STKLD1: variants seen among roughly 807,000 people sequenced by gnomAD.
STKLD1 encodes the protein serine/threonine kinase like domain containing 1, also known as serine/threonine kinase-like domain-containing protein STKLD1.
A neutral mutation model predicts 80.4 loss-of-function variants in STKLD1; 79 were observed. The ratio of observed to expected loss-of-function variants is 0.98; its 90% CI spans 0.82 to 1.19. The LOEUF (loss-of-function observed/expected upper bound fraction) is 1.19. Ranked by LOEUF, STKLD1 falls within the 50% of genes most tolerant of loss-of-function variation. The pLI, the probability that STKLD1 is intolerant of heterozygous loss-of-function variation, is 0.00. For synonymous variants in STKLD1, 393 were observed against 357.6 expected (o/e 1.10, Z -1.12); for missense variants, 841 against 856.0 (o/e 0.98, Z 0.22).
At chr9:133,393,617 G>C (rs1235880233) in intron 7 of STKLD1, among the ~76,000 whole-genome samples, 2 of 139,178 alleles carry the variant, frequency 1.4e-5, no homozygotes, top group African/African-American at 5.3e-5. Context: ...GGGTGAGTGA[G>C]TGAATGAGTG....
At position 133,394,685 on chromosome 9, in the gene STKLD1, A is replaced by C; in HGVS notation, c.702+276A>C. On this transcript the variant is annotated intron_variant, in intron 8 of 17. Coordinates refer to ENST00000371957, the MANE Select transcript of STKLD1 (RefSeq NM_153710.5). This position sits in a 1 kb window ranked among gnomAD's most constrained non-coding sequence, Gnocchi z 4.9. Reference sequence around the variant, plus strand: ...AGCAGCCCTCCAGGTGGTGTCACTGACTCTTGATGGAGAAAAGCCAAGTTC... The same window carrying C: ...AGCAGCCCTCCAGGTGGTGTCACTGCCTCTTGATGGAGAAAAGCCAAGTTC... 7 of 427,722 alleles carry C rather than the reference A, an allele frequency of 1.6e-5. No individual in the cohort carries two copies. The highest frequency in any genetic ancestry group is 3.4e-5 in the South Asian group (1 of 29,802). 26.5% of individuals were successfully genotyped at this position (427,722 alleles called of 1,614,324 possible).
In STKLD1 at chr9:133,394,404, A is replaced by C. The variant is rs781956002; in HGVS notation, c.697A>C (p.Met233Leu). ...IILDMTSCSFMDGTEAMHLRK... is the reference protein window; with the variant it reads ...IILDMTSCSFLDGTEAMHLRK... Reference sequence around the variant, plus strand: ...TCTGGACATGACCAGCTGCTCCTTCATGGATGTGAGCCGCCCTCCCTCCCC... The same window carrying C: ...TCTGGACATGACCAGCTGCTCCTTCCTGGATGTGAGCCGCCCTCCCTCCCC... The change falls in exon 8 of 18, where the codon ATG becomes CTG. Residue 233 changes from methionine (M) to leucine (L), a missense_variant. Met to Leu is a conservative substitution (Grantham distance 15). Transcript: ENST00000371957. This position sits in a 1 kb window ranked among gnomAD's most constrained non-coding sequence, Gnocchi z 4.9. 1 of 1,610,326 alleles carries C rather than the reference A, an allele frequency of 6.2e-7. No individual in the cohort carries two copies. The highest frequency in any genetic ancestry group is 1.7e-5 in the Admixed American group (1 of 59,986).
Position 133,394,752 on chromosome 9 carries a change from A to T in STKLD1, c.702+343A>T. The stretch of plus-strand genomic sequence containing the variant: ...ATGAAGGCTGCACGGAGTTGCAAGC[A>T]ACGGGAACCCAGTGTGGGCCTGAAC... On this transcript the variant is annotated intron_variant, in intron 8 of 17. Transcript: ENST00000371957. The surrounding 1 kb of genome is among the most constrained non-coding windows in gnomAD (Gnocchi z 4.9). 3.3e-6 allele frequency: 1 copy of T among 300,358 alleles called. No individual in the cohort carries two copies. The highest frequency in any genetic ancestry group is 4.6e-5 in the South Asian group (1 of 21,864). The allele number at this position is 300,358 out of a possible 1,614,324, so 18.6% of individuals were successfully genotyped here. A position where few individuals can be genotyped will look rare whatever the true frequency, so the allele number is the denominator to read the frequency against.
At chr9:133,377,800 C>A (rs1838031076) in intron 1 of STKLD1, among the ~76,000 whole-genome samples, 1 of 152,150 alleles carries the variant, frequency 6.6e-6, no homozygotes, top group African/African-American at 2.4e-5. Flanking sequence ...GTGTGCAGTT[C>A]ATTTCTATTA....
In STKLD1 at chr9:133,405,529, G is replaced by A. The variant is rs782546857; in HGVS notation, c.*108G>A. ...GACTGGGCCAAAATCAATCTTAAAC[G>A]GGAGGGGTAATCAGACCTCTCCAAA... is the stretch of plus-strand genomic sequence containing the variant. On this transcript the variant is annotated 3_prime_UTR_variant, in exon 18 of 18. Transcript: ENST00000371957. 37 of 1,175,010 alleles carry A rather than the reference G, an allele frequency of 3.1e-5. No homozygotes were observed. The highest frequency in any genetic ancestry group is 1.6e-4 in the African/African-American group (10 of 64,324). The allele number at this position is 1,175,010 out of a possible 1,614,324, so 72.8% of individuals were successfully genotyped here.
In STKLD1 at chr9:133,384,193, C is replaced by T; in HGVS notation, c.219+293C>T. On this transcript the variant is annotated intron_variant, in intron 3 of 17. Coordinates refer to ENST00000371957, the MANE Select transcript of STKLD1 (RefSeq NM_153710.5). This position sits in a 1 kb window ranked among gnomAD's most constrained non-coding sequence, Gnocchi z 4.3. ...GTGGCTCACATTTGTAATCCCACCA[C>T]TTTGGGAGGCCGAGGCGGGTGGATC... The T allele has an allele frequency of 5.9e-6, 2 of 341,434 alleles. No homozygotes were observed. Among genetic ancestry groups the T allele is most frequent in the South Asian group, 7.0e-5 (2 of 28,584 alleles). 21.2% of individuals were successfully genotyped at this position (341,434 alleles called of 1,614,324 possible).
chr9:133,396,951 G>A (rs1312350658), intron 9 of STKLD1, among the ~76,000 whole-genome samples: 1 of 152,190 alleles, frequency 6.6e-6, no homozygotes, highest in Non-Finnish European at 1.5e-5. Context: ...CTGCCTCCAT[G>A]GAGTACGTCC....
chr9:133,396,759 A>G (rs1363364104), intron 9 of STKLD1, among the ~76,000 whole-genome samples: 2 of 152,160 alleles, frequency 1.3e-5, no homozygotes, highest in African/African-American at 2.4e-5. Context: ...CTCCATCTAA[A>G]AAAAAACCCA....
rs782335607 is a variant in STKLD1, at chr9:133,401,874, C to T, written c.1335C>T (p.Thr445=). 1.2e-6 allele frequency: 2 copies of T among 1,613,132 alleles called. No individual in the cohort carries two copies. Among genetic ancestry groups the T allele is most frequent in the African/African-American group, 2.7e-5 (2 of 74,926 alleles). The part of the protein sequence containing the change: ...MVYSLLAITT[T]QESESLSEEL... ...ACAGCCTGCTAGCCATCACCACAACCCAGGGTGTGTCTGCCAGCCACCTCC... is the reference window on the plus strand; with the variant it reads ...ACAGCCTGCTAGCCATCACCACAACTCAGGGTGTGTCTGCCAGCCACCTCC... Residue 445 remains threonine, a synonymous_variant, in exon 13 of 18, where the codon ACC becomes ACT. Transcript: ENST00000371957.
At chr9:133,391,319 A>G in intron 7 of STKLD1, among the ~76,000 whole-genome samples, 1 of 149,552 alleles carries the variant, frequency 6.7e-6, no homozygotes, top group African/African-American at 2.5e-5. Flanking sequence ...CCCTACTGGG[A>G]AGTGAGGAGC....
intron 13 of STKLD1, 44 bp downstream of exon 13, chr9:133,401,922 A>T (rs1838717488): frequency 6.2e-7 from 1 of 1,605,076 alleles, no homozygotes; most frequent in Admixed American, 1.7e-5. Context: ...GCTCCAGGAC[A>T]GCCCTTCCCA....
chr9:133,382,018 C>G (rs985556152), intron 2 of STKLD1, among the ~76,000 whole-genome samples: 1 of 152,180 alleles, frequency 6.6e-6, no homozygotes, highest in Admixed American at 6.5e-5. Context: ...GGTATTAGAG[C>G]CAGTGGTAGT....
rs927404748 is a variant in STKLD1 at position 133,394,262 on chromosome 9, C to T, written c.584-29C>T. 6.6e-7 allele frequency: 1 copy of T among 1,504,952 alleles called. No homozygotes were observed. 93.2% of individuals were successfully genotyped at this position (1,504,952 alleles called of 1,614,324 possible). A position where few individuals can be genotyped will look rare whatever the true frequency, so the allele number is the denominator to read the frequency against. On this transcript the variant is annotated intron_variant, in intron 7 of 17. Coordinates refer to ENST00000371957, the MANE Select transcript of STKLD1 (RefSeq NM_153710.5). The surrounding 1 kb of genome is among the most constrained non-coding windows in gnomAD (Gnocchi z 4.9). ...CCCTGCCCCCAGGGAGCAAAGGACT[C>T]AGGGATCCCACCTTGCTTTTACCAA...
chr9:133,404,856 C>T lies in STKLD1; in HGVS notation c.1800C>T (p.Thr600=). ...GTGGCCTCAGCCTCATCAAGGAGAC[C>T]TACCAGCTCCACAGGGACGACCCGG... ...GGSGLSLIKE[T]YQLHRDDPEV... Residue 600 remains threonine (T), a synonymous_variant, in exon 17 of 18, where the codon ACC becomes ACT. Transcript: ENST00000371957. 2 of 1,613,048 alleles carry T rather than the reference C, an allele frequency of 1.2e-6. No individual in the cohort carries two copies. Among genetic ancestry groups the T allele is most frequent in the Non-Finnish European group, 1.7e-6 (2 of 1,179,692 alleles).
rs1403289991 is a variant in STKLD1 at position 133,387,440 on chromosome 9, C to T, written c.295-7C>T. 2 of 1,612,818 alleles carry T rather than the reference C, an allele frequency of 1.2e-6. No individual in the cohort carries two copies. Among genetic ancestry groups the T allele is most frequent in the East Asian group, 4.5e-5 (2 of 44,884 alleles). ...GTCCTTTGGCTAAGGGCCTCCTGTC[C>T]CAGCAGATCTCTTCTCTGTACCTCT... On this transcript the variant is annotated splice_region_variant and splice_polypyrimidine_tract_variant and intron_variant, in intron 4 of 17. Transcript: ENST00000371957.
intron 4 of STKLD1, 118 bp from the exon 5 acceptor site, chr9:133,387,329 C>A: frequency 1.4e-6 from 1 of 709,116 alleles, no homozygotes; most frequent in Non-Finnish European, 2.4e-6. Flanking sequence ...CTCCAGTGGG[C>A]AGTGCTCCCA....
chr9:133,405,077 T>C, intron 17 of STKLD1, 148 bp downstream of exon 17: 1 of 1,369,504 alleles, frequency 7.3e-7, no homozygotes, highest in South Asian at 1.3e-5. Flanking sequence ...TTTGGCATCT[T>C]CTGAGCACCA....
chr9:133,390,545 T>C lies in STKLD1; in HGVS notation c.468-136T>C. On this transcript the variant is annotated intron_variant, in intron 6 of 17. Coordinates refer to ENST00000371957, the MANE Select transcript of STKLD1 (RefSeq NM_153710.5). This position sits in a 1 kb window ranked among gnomAD's most constrained non-coding sequence, Gnocchi z 5.1. ...TTGTGGAGGAGAGGAGGATGTGGGC[T>C]GCTGCTGCAGAACCAGGTGGGGCAG... The C allele has an allele frequency of 1.5e-6, 1 of 670,782 alleles. No homozygotes were observed. The highest frequency in any genetic ancestry group is 2.7e-6 in the Non-Finnish European group (1 of 371,078). The allele number at this position is 670,782 out of a possible 1,614,324, so 41.6% of individuals were successfully genotyped here. A position where few individuals can be genotyped will look rare whatever the true frequency, so the allele number is the denominator to read the frequency against.
rs1838248755 is a variant in STKLD1, at chr9:133,385,676, C to G, written c.279C>G (p.Ile93Met). 5 of 1,613,150 alleles carry G rather than the reference C, an allele frequency of 3.1e-6. No homozygotes were observed. The highest frequency in any genetic ancestry group is 4.2e-6 in the Non-Finnish European group (5 of 1,179,944). The change falls in exon 4 of 18, where the codon ATC becomes ATG. Residue 93 changes from isoleucine (I) to methionine (M), a missense_variant. Coordinates refer to ENST00000371957, the MANE Select transcript of STKLD1 (RefSeq NM_153710.5). The surrounding 1 kb of genome is among the most constrained non-coding windows in gnomAD (Gnocchi z 4.9). ...AHISVYQELFITWNGEISSLY... is the reference protein window; with the variant it reads ...AHISVYQELFMTWNGEISSLY... ...TCTCTGTGTACCAGGAGCTGTTCATCACGTGGAATGGGGAGGTGGGTCAGA... is the reference window on the plus strand; with the variant it reads ...TCTCTGTGTACCAGGAGCTGTTCATGACGTGGAATGGGGAGGTGGGTCAGA...
Sources: allele counts gnomAD v4.1 joint callset (sites outside exome capture counted in the v4.1 genomes callset), GRCh38; gene constraint gnomAD v4.1.1; non-coding constraint Gnocchi (gnomAD v3.1); transcripts MANE v1.5; gene names NCBI Gene and HGNC (gene_info 2026-07-23, HGNC 2026-07-21).